ABR: variants seen among roughly 807,000 people sequenced by gnomAD.
The protein encoded by ABR is ABR activator of RhoGEF and GTPase, also known as active breakpoint cluster region-related protein.
In ABR, 35 loss-of-function variants were observed where a neutral mutation model predicts 107.2. That is an observed-to-expected ratio of 0.33 (90% CI 0.25 to 0.43). ABR has a LOEUF of 0.43. Ranked by LOEUF, ABR falls within the 20% of genes least tolerant of loss-of-function variation. The probability of loss-of-function intolerance (pLI) is 1.00; values close to 1 mark genes in which losing one functional copy is unlikely to be tolerated. For synonymous variants in ABR, 498 were observed against 462.0 expected, an observed-to-expected ratio of 1.08 and a Z score of -1.00; for missense variants, 815 against 1,115.2, an observed-to-expected ratio of 0.73 and a Z score of 3.83.
chr17:1,125,203 G>T lies in ABR; in HGVS notation c.226C>A (p.Pro76Thr). 6.3e-7 allele frequency: 1 copy of T among 1,596,522 alleles called. No homozygotes were observed. Among genetic ancestry groups the T allele is most frequent in the Non-Finnish European group, 8.5e-7 (1 of 1,169,852 alleles). The change falls in exon 2 of 23, where the codon CCT becomes ACT. Residue 76 changes from proline (P) to threonine (T), a missense_variant. Physicochemically the swap from Pro to Thr is conservative, Grantham distance 38. Coordinates refer to ENST00000302538, the MANE Select transcript of ABR (RefSeq NM_021962.5). ...GGGDGVSPTP[P>T]EGLAPGVEAG... is the part of the protein sequence containing the mutation. The stretch of plus-strand genomic sequence containing the variant: ...CCTACCCCAGGAGCCAGTCCCTCAG[G>T]TGGAGTCGGGGAGACGCCATCCCCC...
intron 1 of ABR, among the ~76,000 whole-genome samples, chr17:1,132,785 C>T (rs7405711): frequency 0.39 from 59,906 of 151,998 alleles, 11,923 homozygotes; most frequent in South Asian, 0.45. Flanking sequence ...ATTCAAAATG[C>T]ATTAAAAAGA....
At position 1,176,850 on chromosome 17, in the gene ABR, CAAAACAAAAAACAA is replaced by C. The variant is rs538908667; in HGVS notation, c.61+2803_61+2816del. Among the ~76,000 whole-genome samples the C allele has an allele frequency of 5.3e-3, 705 of 133,418 alleles. 4 individuals are homozygous for C. Among genetic ancestry groups the C allele is most frequent in the Middle Eastern group, 0.014 (4 of 280 alleles). 87.5% of individuals were successfully genotyped at this position (133,418 alleles called of 152,430 possible). On this transcript the variant is annotated intron_variant, in intron 1 of 22. Transcript: ENST00000302538. Reference sequence around the variant, plus strand: ...CAAAGACGGAGACCCCGTCTCAAAACAAAACAAAAAACAAAAAACAAAAAAAAAAAAGAAAAAAG... The same window carrying C: ...CAAAGACGGAGACCCCGTCTCAAAACAAAACAAAAAAAAAAAAGAAAAAAG...
At chr17:1,049,019 T>C (rs1356652974) in intron 16 of ABR, among the ~76,000 whole-genome samples, 2 of 152,130 alleles carry the variant, frequency 1.3e-5, no homozygotes, top group African/African-American at 4.8e-5. Flanking sequence ...CGTCACGCCT[T>C]TTCCCGCTCC....
chr17:1,075,718 TTATG>T (rs2035645746), intron 6 of ABR, among the ~76,000 whole-genome samples: 1 of 152,236 alleles, frequency 6.6e-6, no homozygotes, highest in Non-Finnish European at 1.5e-5. Flanking sequence ...TATGTTTTAT[TTATG>T]TATTTATTTT....
chr17:1,217,332 A>G (rs370491276), intron 1 of ABR, among the ~76,000 whole-genome samples: 21 of 152,244 alleles, frequency 1.4e-4, no homozygotes, highest in South Asian at 1.2e-3. Context: ...TTCAGTTTCA[A>G]TTAAGGTTAT....
chr17:1,146,812 G>T (rs113562772), intron 1 of ABR, among the ~76,000 whole-genome samples: 11 of 126,772 alleles, frequency 8.7e-5, no homozygotes, highest in Non-Finnish European at 1.7e-4. Flanking sequence ...ACTGCCACCA[G>T]GCCACCACTG....
rs1189404862 is a variant in ABR at position 1,076,094 on chromosome 17, C to A, written c.701-2417G>T. On this transcript the variant is annotated intron_variant, in intron 6 of 22. Transcript: ENST00000302538. The stretch of plus-strand genomic sequence containing the variant: ...TCACTATGTTGCTGGTCTCGAACTC[C>A]TGGCCTCAAGCCAAATACAAGCTGG... 2.6e-5 allele frequency among the ~76,000 whole-genome samples: 4 copies of A among 152,168 alleles called. 1 individual carries two copies. In the South Asian group the frequency reaches 8.3e-4, roughly 31 times the overall value.
chr17:1,069,466 T>C (rs12942755), intron 9 of ABR, among the ~76,000 whole-genome samples: 31,970 of 151,898 alleles, frequency 0.21, 3,560 homozygotes, highest in South Asian at 0.25. Flanking sequence ...GAGTTTGAGA[T>C]CAGCCTGGCC....
intron 1 of ABR, chr17:1,185,172 A>G (rs964458772): frequency 5.9e-5 from 9 of 152,220 alleles, no homozygotes; most frequent in African/African-American, 2.2e-4. Flanking sequence ...GATAAAGTAG[A>G]AAGAGAACTG....
chr17:1,098,924 T>A (rs1463818896), intron 3 of ABR, among the ~76,000 whole-genome samples: 1 of 152,174 alleles, frequency 6.6e-6, no homozygotes, highest in Non-Finnish European at 1.5e-5. Context: ...TAGCTGGGAT[T>A]ACAGGGGCCC....
chr17:1,079,788 CAAAAAAAAAAAAAAAAAAAAAAAAAA>C (rs57412625), intron 5 of ABR, among the ~76,000 whole-genome samples: 34 of 55,112 alleles, frequency 6.2e-4, no homozygotes, highest in African/African-American at 1.5e-3. Context: ...GACTCTGTCT[CAAAAAAAAAAAAAAAAAAAAAAAAAA>C]AAAAAAAAAA....
intron 1 of ABR, among the ~76,000 whole-genome samples, chr17:1,177,283 G>A (rs1003962376): frequency 2.0e-5 from 3 of 152,170 alleles, no homozygotes; most frequent in Non-Finnish European, 4.4e-5. Flanking sequence ...GCACCTCCCC[G>A]GGAAGCCTCC....
At chr17:1,052,018 G>A (rs959699357) in intron 14 of ABR, among the ~76,000 whole-genome samples, 28 of 151,756 alleles carry the variant, frequency 1.8e-4, no homozygotes, top group Non-Finnish European at 3.5e-4. Context: ...AAGTTGCAGT[G>A]AGCTGAGATG....
Position 1,078,809 on chromosome 17 carries a change from G to A in ABR, c.700+521C>T, listed in dbSNP as rs1262379344. On this transcript the variant is annotated intron_variant, in intron 6 of 22. Coordinates refer to ENST00000302538, the MANE Select transcript of ABR (RefSeq NM_021962.5). This position sits in a 1 kb window ranked among gnomAD's most constrained non-coding sequence, Gnocchi z 7.5. ...GCCACCTCCCACAGCGAGCACCTGG[G>A]TTACCATAGGTGCAGTTACAGCAGA... The A allele has an allele frequency of 6.5e-7, 1 of 1,535,508 alleles. No individual in the cohort carries two copies. Among genetic ancestry groups the A allele is most frequent in the South Asian group, 1.2e-5 (1 of 84,048 alleles).
chr17:1,058,751 A>G lies in ABR; in HGVS notation c.1299T>C (p.Asn433=), dbSNP rs147528325. The G allele has an allele frequency of 2.2e-4, 351 of 1,613,846 alleles. No homozygotes were observed. The highest frequency in any genetic ancestry group is 2.8e-4 in the Admixed American group (17 of 59,988). The stretch of plus-strand genomic sequence containing the variant: ...CACCCCCACCCATCCTGACCTTTCC[A>G]TTCCGATTGTGGATCCTGAACGGGA... ...PTIPFRIHNR[N]GKSYLFLLSS... Residue 433 remains asparagine, a synonymous_variant, in exon 11 of 23, where the codon AAT becomes AAC. Coordinates refer to ENST00000302538, the MANE Select transcript of ABR (RefSeq NM_021962.5).
At chr17:1,206,607 GGAGA>G (rs2042791848) in intron 1 of ABR, among the ~76,000 whole-genome samples, 1 of 152,158 alleles carries the variant, frequency 6.6e-6, no homozygotes, top group Non-Finnish European at 1.5e-5. Context: ...GCCACATCTT[GGAGA>G]AAGCTCTGTG....
At chr17:1,191,297 C>G (rs1456147802), upstream of ABR, among the ~76,000 whole-genome samples, 1 of 152,042 alleles carries the variant, frequency 6.6e-6, no homozygotes, top group Non-Finnish European at 1.5e-5. Flanking sequence ...CAGCTTCTCA[C>G]CAGCTTCTCA....
At position 1,013,183 on chromosome 17, in the gene ABR, G is replaced by T; in HGVS notation, c.1792-19C>A. On this transcript the variant is annotated intron_variant, in intron 16 of 22. Coordinates refer to ENST00000302538, the MANE Select transcript of ABR (RefSeq NM_021962.5). ...GGTCCAGCTGCAGAGAGAGAATGTG[G>T]GTGAGAGAGGTGCCAGCTCGGAGGC... 1 of 1,613,234 alleles carries T rather than the reference G, an allele frequency of 6.2e-7. No homozygotes were observed. The highest frequency in any genetic ancestry group is 8.5e-7 in the Non-Finnish European group (1 of 1,179,168).
At chr17:1,016,502 G>A (rs1157694717) in intron 16 of ABR, among the ~76,000 whole-genome samples, 2 of 151,926 alleles carry the variant, frequency 1.3e-5, no homozygotes, top group Non-Finnish European at 2.9e-5. Flanking sequence ...TTGTAGTGGA[G>A]ATGGGGTTTC....
Sources: allele counts gnomAD v4.1 joint callset (sites outside exome capture counted in the v4.1 genomes callset), GRCh38; gene constraint gnomAD v4.1.1; non-coding constraint Gnocchi (gnomAD v3.1); transcripts MANE v1.5; gene names NCBI Gene and HGNC (gene_info 2026-07-23, HGNC 2026-07-21).